ALPK2: variants seen among roughly 807,000 people sequenced by gnomAD.
ALPK2 encodes alpha kinase 2.
Under a neutral mutation model 163.1 loss-of-function variants are expected in ALPK2, and 127 were observed. The observed-to-expected ratio is 0.78, with a 90% CI of 0.67 to 0.90. The LOEUF is 0.90. Among genes scored for constraint, ALPK2 ranks in the 40% least tolerant of loss-of-function variants. ALPK2 has a pLI of 0.00. For synonymous variants in ALPK2, 953 were observed against 959.1 expected (o/e 0.99, Z 0.12); for missense variants, 2,360 against 2,589.6 (o/e 0.91, Z 1.92).
At chr18:58,533,357 G>A (rs1255798038) in intron 5 of ALPK2, among the ~76,000 whole-genome samples, 7 of 152,174 alleles carry the variant, frequency 4.6e-5, no homozygotes, top group Non-Finnish European at 8.8e-5. Flanking sequence ...CCCCAAACAA[G>A]GGGGTTGAGG....
At chr18:58,504,436 G>A (rs1602189864) in intron 10 of ALPK2, among the ~76,000 whole-genome samples, 1 of 152,248 alleles carries the variant, frequency 6.6e-6, no homozygotes, top group South Asian at 2.1e-4. Context: ...ACTATAATCT[G>A]TATATCCATT....
chr18:58,524,090 C>A, intron 6 of ALPK2, 28 bp from the exon 7 acceptor site: 1 of 1,595,060 alleles, frequency 6.3e-7, no homozygotes, highest in Non-Finnish European at 8.6e-7. Context: ...CACATTGACA[C>A]ACTTCATCAT....
At chr18:58,524,888 T>A (rs2051576080) in intron 6 of ALPK2, among the ~76,000 whole-genome samples, 1 of 151,128 alleles carries the variant, frequency 6.6e-6, no homozygotes. Flanking sequence ...TCTGGGATAA[T>A]TTGAAACATA....
At chr18:58,546,815 T>A (rs1275704956) in intron 4 of ALPK2, among the ~76,000 whole-genome samples, 1 of 152,186 alleles carries the variant, frequency 6.6e-6, no homozygotes, top group African/African-American at 2.4e-5. Flanking sequence ...GAGTGAGCCA[T>A]AATTTCCATA....
At chr18:58,580,585 T>G (rs1314920106) in intron 3 of ALPK2, 37 bp from the exon 4 acceptor site, 6 of 1,542,960 alleles carry the variant, frequency 3.9e-6, no homozygotes, top group Non-Finnish European at 5.3e-6. Context: ...GTTTGCCACA[T>G]TTGGACATGC....
intron 1 of ALPK2, among the ~76,000 whole-genome samples, chr18:58,612,290 T>G (rs1180231118): frequency 1.3e-5 from 2 of 152,182 alleles, no homozygotes; most frequent in African/African-American, 4.8e-5. Context: ...CTTTTCACAC[T>G]GTGCTCAAAA....
intron 4 of ALPK2, among the ~76,000 whole-genome samples, chr18:58,547,778 G>A (rs146390434): frequency 3.3e-4 from 51 of 152,318 alleles, no homozygotes; most frequent in African/African-American, 1.2e-3. Flanking sequence ...TTAAGGGCTC[G>A]TTGAGCCTCA....
At position 58,504,005 on chromosome 18, in the gene ALPK2, C is replaced by G. The variant is rs139639175; in HGVS notation, c.6173G>C (p.Gly2058Ala). 3.5e-5 allele frequency: 57 copies of G among 1,614,108 alleles called. No individual in the cohort carries two copies. The highest frequency in any genetic ancestry group is 4.7e-5 in the Non-Finnish European group (56 of 1,180,056). ...INFLRRESEAGQKCCTFQHWV... is the reference protein window; with the variant it reads ...INFLRRESEAAQKCCTFQHWV... ...GTGCTGGAAGGTGCAACATTTCTGA[C>G]CAGCTTCTGATTCTCTTCTCAAGAA... Residue 2058 changes from glycine to alanine, a missense_variant, in exon 11 of 13, where the codon GGT becomes GCT. By Grantham distance (60) the Gly-to-Ala change is moderately conservative (BLOSUM62 0). Coordinates refer to ENST00000361673, the MANE Select transcript of ALPK2 (RefSeq NM_052947.4).
intron 10 of ALPK2, chr18:58,512,049 G>A (rs926149459): frequency 6.6e-6 from 1 of 152,196 alleles, no homozygotes; most frequent in African/African-American, 2.4e-5. Flanking sequence ...TAGGACAGTG[G>A]ACCTTTCCCG....
chr18:58,591,310 G>A (rs535926080), intron 3 of ALPK2, among the ~76,000 whole-genome samples: 5 of 152,316 alleles, frequency 3.3e-5, no homozygotes, highest in African/African-American at 1.2e-4. Flanking sequence ...GATGTGACAC[G>A]TCTTAAGTTA....
Position 58,517,056 on chromosome 18 carries a change from C to A in ALPK2, c.5792G>T (p.Arg1931Leu). ...CATCACTGTGCTGCGGAAGGCTTTG[C>A]GGTGAACCCCTTCTCCAAAGTGCAG... ...EELHFGEGVH[R>L]KAFRSTVMHG... The change falls in exon 9 of 13, where the codon CGC becomes CTC. Residue 1931 changes from arginine to leucine, a missense_variant. Arg to Leu is a moderately radical substitution (Grantham distance 102, BLOSUM62 -2). Transcript: ENST00000361673. 6.2e-7 allele frequency: 1 copy of A among 1,614,242 alleles called. No individual in the cohort carries two copies. Among genetic ancestry groups the A allele is most frequent in the East Asian group, 2.2e-5 (1 of 44,882 alleles).
chr18:58,513,642 C>T (rs1055686254), intron 10 of ALPK2, among the ~76,000 whole-genome samples: 6 of 152,054 alleles, frequency 3.9e-5, no homozygotes, highest in South Asian at 2.1e-4. Flanking sequence ...TCTGGGAGGC[C>T]GAGGCAGGAA....
Position 58,579,619 on chromosome 18 carries a change from C to G in ALPK2, c.1157G>C (p.Arg386Pro). 1.2e-6 allele frequency: 2 copies of G among 1,613,926 alleles called. No homozygotes were observed. The highest frequency in any genetic ancestry group is 1.1e-5 in the South Asian group (1 of 91,070). The change falls in exon 4 of 13, where the codon CGG becomes CCG. Residue 386 changes from arginine to proline, a missense_variant. Physicochemically the swap from Arg to Pro is moderately radical, Grantham distance 103. Coordinates refer to ENST00000361673, the MANE Select transcript of ALPK2 (RefSeq NM_052947.4). ...HFLSGMGCGS[R>P]VSGDAGPMVA... ...CATAGGCCCAGCGTCACCCGACACC[C>G]GAGACCCACAACCCATTCCACTGAG...
At chr18:58,547,471 A>G (rs989509178) in intron 4 of ALPK2, among the ~76,000 whole-genome samples, 1 of 152,120 alleles carries the variant, frequency 6.6e-6, no homozygotes, top group African/African-American at 2.4e-5. Context: ...TCCTCTAGGC[A>G]TTAAGTGCCT....
At chr18:58,528,528 C>T (rs370561343) in intron 6 of ALPK2, among the ~76,000 whole-genome samples, 2 of 150,930 alleles carry the variant, frequency 1.3e-5, no homozygotes, top group South Asian at 4.2e-4. Flanking sequence ...GGGAGTAGCA[C>T]CTTGTCTCAA....
chr18:58,524,686 G>A (rs1602200636), intron 6 of ALPK2, among the ~76,000 whole-genome samples: 2 of 152,150 alleles, frequency 1.3e-5, no homozygotes, highest in African/African-American at 2.4e-5. Flanking sequence ...CTGAGCATTT[G>A]GTATGTACCA....
intron 8 of ALPK2, among the ~76,000 whole-genome samples, chr18:58,522,095 C>T (rs2051557704): frequency 6.6e-6 from 1 of 152,362 alleles, no homozygotes; most frequent in African/African-American, 2.4e-5. Flanking sequence ...GTTCAATTAA[C>T]TGTCAGAATT....
intron 4 of ALPK2, among the ~76,000 whole-genome samples, chr18:58,564,705 A>G (rs543910951): frequency 6.6e-6 from 1 of 152,078 alleles, no homozygotes; most frequent in Admixed American, 6.5e-5. Context: ...ACAGATCTTC[A>G]TGTTTGACCC....
chr18:58,560,999 A>C (rs969053483), intron 4 of ALPK2, among the ~76,000 whole-genome samples: 2 of 152,034 alleles, frequency 1.3e-5, no homozygotes, highest in Non-Finnish European at 2.9e-5. Context: ...TTTTTTTATT[A>C]TTTGGGATTA....
Sources: allele counts gnomAD v4.1 joint callset (sites outside exome capture counted in the v4.1 genomes callset), GRCh38; gene constraint gnomAD v4.1.1; transcripts MANE v1.5; gene names NCBI Gene and HGNC (gene_info 2026-07-23, HGNC 2026-07-21).